The following ADK variants were observed in gnomAD, a reference collection of about 807,000 sequenced individuals.
ADK encodes the protein N6,N6-dimethyladenosine kinase.
A neutral mutation model predicts 44.7 loss-of-function variants in ADK; 24 were observed. That is an observed-to-expected ratio of 0.54 (90% CI 0.39 to 0.76). The LOEUF is 0.76. Among genes scored for constraint, ADK ranks in the 30% least tolerant of loss-of-function variants. The pLI is 0.00. For missense variants in ADK, 321 were observed against 425.1 expected, an observed-to-expected ratio of 0.76 and a Z score of 2.15; for synonymous variants, 128 against 142.6, an observed-to-expected ratio of 0.90 and a Z score of 0.73.
At chr10:74,303,588 G>GTTTTTTTTTTTTTTTTGTTTTTTTTT in intron 3 of ADK, among the ~76,000 whole-genome samples, 1 of 68,578 alleles carries the variant, frequency 1.5e-5, no homozygotes, top group East Asian at 4.6e-4. Flanking sequence ...TTTTAATGTT[G>GTTTTTTTTTTTTTTTTGTTTTTTTTT]TTTTTTTTTT....
rs143085452 is a variant in ADK, at chr10:74,617,626, C to T, written c.877+17133C>T. On this transcript the variant is annotated intron_variant, in intron 9 of 10. Transcript: ENST00000539909. Reference sequence around the variant, plus strand: ...TGTTTGTTTTTTTGAGAGAGGGTCTCGTCTTGTCACCCAGGCTGGAGTGCA... The same window carrying T: ...TGTTTGTTTTTTTGAGAGAGGGTCTTGTCTTGTCACCCAGGCTGGAGTGCA... Among the ~76,000 whole-genome samples the T allele has an allele frequency of 2.8e-4, 42 of 152,138 alleles. No homozygotes were observed. In the East Asian group the frequency reaches 4.4e-3, roughly 16 times the overall value.
Position 74,589,179 on chromosome 10 carries a change from G to A in ADK, c.727-103G>A, listed in dbSNP as rs139646669. ...AAATTGAACTATGTGGGTATATTGAGATAATTGTGTAAAGAAGAAGACTGA... is the reference window on the plus strand; with the variant it reads ...AAATTGAACTATGTGGGTATATTGAAATAATTGTGTAAAGAAGAAGACTGA... On this transcript the variant is annotated intron_variant, in intron 7 of 10. Coordinates refer to ENST00000539909, the MANE Select transcript of ADK (RefSeq NM_006721.4). 1,836 of 1,005,384 alleles carry A rather than the reference G, an allele frequency of 1.8e-3. 20 individuals carry two copies. In the East Asian group the frequency reaches 0.023, roughly 13 times the overall value. The allele number at this position is 1,005,384 out of a possible 1,614,324, so 62.3% of individuals were successfully genotyped here. A position where few individuals can be genotyped will look rare whatever the true frequency, so the allele number is the denominator to read the frequency against.
chr10:74,292,684 C>T (rs187211406), intron 3 of ADK, among the ~76,000 whole-genome samples: 73 of 152,098 alleles, frequency 4.8e-4, no homozygotes, highest in Admixed American at 2.2e-3. Context: ...TCCTCTTTCT[C>T]TTATATCCCA....
intron 4 of ADK, 57 bp downstream of exon 4, chr10:74,314,802 A>G (rs191307870): frequency 1.0e-5 from 13 of 1,268,868 alleles, no homozygotes; most frequent in Admixed American, 3.4e-5. Flanking sequence ...ACCCATGTCT[A>G]TTTTGCATAA....
At chr10:74,195,919 C>T (rs575419275) in intron 1 of ADK, among the ~76,000 whole-genome samples, 5 of 151,684 alleles carry the variant, frequency 3.3e-5, no homozygotes, top group East Asian at 2.0e-4. Context: ...AGAGGCAATG[C>T]GCCCGCCTCA....
intron 10 of ADK, among the ~76,000 whole-genome samples, chr10:74,691,939 A>G (rs1490287974): frequency 6.6e-6 from 1 of 152,156 alleles, no homozygotes; most frequent in Admixed American, 6.5e-5. Context: ...ATGGTAAACA[A>G]CCACTTTGGA....
intron 6 of ADK, among the ~76,000 whole-genome samples, chr10:74,522,118 T>C (rs1848859891): frequency 6.6e-6 from 1 of 152,188 alleles, no homozygotes; most frequent in African/African-American, 2.4e-5. Context: ...GCATAATTTA[T>C]TTAACAAAGT....
intron 8 of ADK, among the ~76,000 whole-genome samples, chr10:74,590,729 C>A (rs1485395757): frequency 6.6e-6 from 1 of 152,130 alleles, no homozygotes; most frequent in Non-Finnish European, 1.5e-5. Flanking sequence ...TTAAGTTTCA[C>A]ATTTTAATTT....
At chr10:74,196,009 G>A (rs1381578071) in intron 1 of ADK, among the ~76,000 whole-genome samples, 1 of 151,598 alleles carries the variant, frequency 6.6e-6, no homozygotes, top group Non-Finnish European at 1.5e-5. Flanking sequence ...TTGGCATGTT[G>A]CCCTGGCTGG....
chr10:74,187,580 A>ATGCCTT lies in ADK; in HGVS notation c.66-13182_66-13177dup, dbSNP rs761448491. On this transcript the variant is annotated intron_variant, in intron 1 of 10. Coordinates refer to ENST00000539909, the MANE Select transcript of ADK (RefSeq NM_006721.4). ...TGAGCTATGTTGTTGCATTTTCTTA[A>ATGCCTT]TGCCTTTTGAGAGCAGAACTTTTAA... Among the ~76,000 whole-genome samples, 32 of 152,106 alleles carry ATGCCTT rather than the reference A, an allele frequency of 2.1e-4. 1 individual carries two copies. The highest frequency in any genetic ancestry group is 4.3e-4 in the Non-Finnish European group (29 of 68,016).
intron 1 of ADK, among the ~76,000 whole-genome samples, chr10:74,174,027 G>T (rs1842244764): frequency 6.6e-6 from 1 of 151,990 alleles, no homozygotes; most frequent in Non-Finnish European, 1.5e-5. Context: ...TAAAGGCTGG[G>T]TGTGGTGGCT....
chr10:74,699,244 A>T (rs1465738508), intron 10 of ADK, among the ~76,000 whole-genome samples: 2 of 151,324 alleles, frequency 1.3e-5, no homozygotes, highest in African/African-American at 4.9e-5. Flanking sequence ...GTTTCAGTGA[A>T]TGAAATATTA....
intron 6 of ADK, among the ~76,000 whole-genome samples, chr10:74,429,739 C>T (rs1004322954): frequency 1.3e-5 from 2 of 152,022 alleles, no homozygotes; most frequent in African/African-American, 4.8e-5. Flanking sequence ...ACTTGGATAT[C>T]CAGAAGAGTG....
chr10:74,702,516 CTTCCTTCT>C (rs909144859), intron 10 of ADK, among the ~76,000 whole-genome samples: 2 of 143,232 alleles, frequency 1.4e-5, no homozygotes, highest in Admixed American at 7.3e-5. Context: ...GTCTGTCTTC[CTTCCTTCT>C]TTCCTTCCTT....
At chr10:74,655,123 A>T (rs1589338981) in intron 9 of ADK, 1 of 296,018 alleles carries the variant, frequency 3.4e-6, no homozygotes, top group African/African-American at 2.3e-5. Flanking sequence ...GTTGGGGGTC[A>T]AGAAGAAAAC....
intron 10 of ADK, among the ~76,000 whole-genome samples, chr10:74,672,016 GA>G (rs1167951290): frequency 6.6e-6 from 1 of 152,162 alleles, no homozygotes; most frequent in African/African-American, 2.4e-5. Context: ...ACTGAGGTAG[GA>G]ACAGCTAGCT....
chr10:74,363,422 C>G (rs948512578), intron 4 of ADK, among the ~76,000 whole-genome samples: 1 of 152,110 alleles, frequency 6.6e-6, no homozygotes, highest in African/African-American at 2.4e-5. Flanking sequence ...CTGCACCACC[C>G]TGGGATCTGC....
intron 1 of ADK, among the ~76,000 whole-genome samples, chr10:74,190,687 T>G (rs1044174614): frequency 3.3e-5 from 5 of 152,184 alleles, no homozygotes; most frequent in African/African-American, 9.7e-5. Context: ...TTTCAGGGAA[T>G]TGCTAGTCAG....
At chr10:74,368,825 A>G (rs1335288904) in intron 4 of ADK, among the ~76,000 whole-genome samples, 1 of 152,012 alleles carries the variant, frequency 6.6e-6, no homozygotes, top group East Asian at 1.9e-4. Flanking sequence ...ATGGAGTTTC[A>G]CCATGTTGGC....
Sources: allele counts gnomAD v4.1 joint callset (sites outside exome capture counted in the v4.1 genomes callset), GRCh38; gene constraint gnomAD v4.1.1; transcripts MANE v1.5; gene names NCBI Gene and HGNC (gene_info 2026-07-23, HGNC 2026-07-21).